Variants in RFPL4AL1 observed in about 807,000 individuals in gnomAD.
The protein encoded by RFPL4AL1 is ret finger protein-like 4A-like protein 1.
A neutral mutation model predicts 8.2 loss-of-function variants in RFPL4AL1; 2 were observed. The observed-to-expected ratio is 0.24, with a 90% CI of 0.10 to 0.77. The LOEUF (loss-of-function observed/expected upper bound fraction) is 0.77. Ranked by LOEUF, RFPL4AL1 falls within the 30% of genes least tolerant of loss-of-function variation. RFPL4AL1 has a pLI of 0.72. For missense variants in RFPL4AL1, 57 were observed against 350.3 expected (o/e 0.16, Z 6.68); for synonymous variants, 25 against 131.8 (o/e 0.19, Z 5.55).
chr19:55,770,377 G>A (rs1159283044), intron 1 of RFPL4AL1, among the ~76,000 whole-genome samples: 2 of 152,078 alleles, frequency 1.3e-5, no homozygotes, highest in South Asian at 4.2e-4. Context: ...GAGCCAGAAT[G>A]AAGTGAAAGG....
intron 1 of RFPL4AL1, among the ~76,000 whole-genome samples, chr19:55,771,086 G>GTTTTTTTTTTTTTTTTTTTTT (rs74183507): frequency 7.7e-6 from 1 of 130,380 alleles, no homozygotes. Context: ...TCTGTTTTTT[G>GTTTTTTTTTTTTTTTTTTTTT]TTTTTTTTTT....
chr19:55,772,432 A>T (rs1335897007), intron 2 of RFPL4AL1, among the ~76,000 whole-genome samples, 170 bp from the exon 3 acceptor site: 1 of 129,970 alleles, frequency 7.7e-6, no homozygotes, highest in Non-Finnish European at 1.7e-5. Context: ...ACCTATAGAT[A>T]CAATTTAACC....
chr19:55,772,126 AG>A (rs1225157208), intron 2 of RFPL4AL1, 36 bp downstream of exon 2: 1 of 1,480,840 alleles, frequency 6.8e-7, no homozygotes, highest in East Asian at 2.5e-5. Context: ...AACCCATAAA[AG>A]GCACTGGGAA....
intron 1 of RFPL4AL1, among the ~76,000 whole-genome samples, chr19:55,769,535 C>G (rs1989450411): frequency 6.6e-6 from 1 of 150,626 alleles, no homozygotes; most frequent in Admixed American, 6.6e-5. Context: ...TCATTCTTCT[C>G]TTATTTTCTG....
chr19:55,770,312 C>G (rs1310975152), intron 1 of RFPL4AL1, among the ~76,000 whole-genome samples: 3 of 151,936 alleles, frequency 2.0e-5, no homozygotes, highest in Admixed American at 1.3e-4. Context: ...AGAGAGAACC[C>G]AGTCCCAGCC....
At chr19:55,770,240 A>C (rs1360761067) in intron 1 of RFPL4AL1, among the ~76,000 whole-genome samples, 1 of 151,930 alleles carries the variant, frequency 6.6e-6, no homozygotes, top group Non-Finnish European at 1.5e-5. Flanking sequence ...ATCCTAGCAG[A>C]GAGGGGGTAA....
intron 1 of RFPL4AL1, among the ~76,000 whole-genome samples, chr19:55,771,404 A>G (rs577554957): frequency 3.3e-5 from 5 of 152,284 alleles, no homozygotes; most frequent in South Asian, 2.1e-4. Context: ...GATAGTTTAC[A>G]TTCTCTTTTC....
intron 1 of RFPL4AL1, 54 bp downstream of exon 1, chr19:55,769,229 G>A (rs1315386980): frequency 6.6e-6 from 1 of 151,752 alleles, no homozygotes; most frequent in Non-Finnish European, 1.5e-5. Context: ...AGAATCTAGG[G>A]GAATGCAATA....
At chr19:55,770,079 C>G (rs1227513695) in intron 1 of RFPL4AL1, among the ~76,000 whole-genome samples, 1 of 151,944 alleles carries the variant, frequency 6.6e-6, no homozygotes, top group Non-Finnish European at 1.5e-5. Flanking sequence ...GTTGCTGGAA[C>G]ACAGGCAGTT....
At chr19:55,769,400 C>G (rs61348958) in intron 1 of RFPL4AL1, among the ~76,000 whole-genome samples, 72 of 151,032 alleles carry the variant, frequency 4.8e-4, no homozygotes, top group East Asian at 7.7e-4. Context: ...TGAATTTCAT[C>G]AGAATTTGGT....
In RFPL4AL1 at chr19:55,769,132, C is replaced by G. The variant is rs376971517; in HGVS notation, c.-53C>G. On this transcript the variant is annotated 5_prime_UTR_variant, in exon 1 of 3. Transcript: ENST00000341750. ...GCTCTCACTCCAGATCTGAGCTGTCCGCAGAAGCAGCTGGAGGCCAGGGGA... is the reference window on the plus strand; with the variant it reads ...GCTCTCACTCCAGATCTGAGCTGTCGGCAGAAGCAGCTGGAGGCCAGGGGA... 2 of 153,828 alleles carry G rather than the reference C, an allele frequency of 1.3e-5. No individual in the cohort carries two copies. The highest frequency in any genetic ancestry group is 2.9e-5 in the Non-Finnish European group (2 of 68,022). 9.5% of individuals were successfully genotyped at this position (153,828 alleles called of 1,614,324 possible).
chr19:55,770,420 TGTTAGGA>T (rs1412692216), intron 1 of RFPL4AL1, among the ~76,000 whole-genome samples: 1 of 151,862 alleles, frequency 6.6e-6, no homozygotes, highest in Non-Finnish European at 1.5e-5. Context: ...AAAAGCACAC[TGTTAGGA>T]GAGAAGTGTG....
chr19:55,770,155 C>T (rs1255157381), intron 1 of RFPL4AL1, among the ~76,000 whole-genome samples: 1 of 152,030 alleles, frequency 6.6e-6, no homozygotes, highest in East Asian at 1.9e-4. Context: ...TTTTCTTTCC[C>T]ACCAACCGTG....
rs74183507 is a variant in RFPL4AL1, at chr19:55,771,086, GTTTTT to G, written c.-9-695_-9-691del. On this transcript the variant is annotated intron_variant, in intron 1 of 2. Coordinates refer to ENST00000341750, the MANE Select transcript of RFPL4AL1 (RefSeq NM_001277397.2). The stretch of plus-strand genomic sequence containing the variant: ...TTGGTTTCTTTTAGTTCTGTTTTTT[GTTTTT>G]TTTTTTTTTTTTTTCCGCTATGCAG... 1.5e-4 allele frequency among the ~76,000 whole-genome samples: 19 copies of G among 130,386 alleles called. 2 individuals are homozygous for G. The highest frequency in any genetic ancestry group is 1.8e-4 in the African/African-American group (6 of 32,662). 85.5% of individuals were successfully genotyped at this position (130,386 alleles called of 152,430 possible).
At chr19:55,771,086 G>GGTTTTTTTTTTTTTTTTTTTTTT (rs1555799526) in intron 1 of RFPL4AL1, among the ~76,000 whole-genome samples, 1 of 130,380 alleles carries the variant, frequency 7.7e-6, no homozygotes. Flanking sequence ...TCTGTTTTTT[G>GGTTTTTTTTTTTTTTTTTTTTTT]TTTTTTTTTT....
intron 1 of RFPL4AL1, among the ~76,000 whole-genome samples, chr19:55,770,814 G>A (rs916354877): frequency 4.6e-5 from 7 of 151,928 alleles, no homozygotes; most frequent in African/African-American, 7.3e-5. Flanking sequence ...ATACGTTCTC[G>A]ATTCTCTTGC....
intron 1 of RFPL4AL1, among the ~76,000 whole-genome samples, chr19:55,771,079 G>GTTTTTTTTTTTTTTTTTTTTT (rs1243816491): frequency 5.6e-5 from 5 of 89,512 alleles, no homozygotes; most frequent in Non-Finnish European, 5.0e-5. Context: ...TTTTAGTTCT[G>GTTTTTTTTTTTTTTTTTTTTT]TTTTTTGTTT....
rs2616958 is a variant in RFPL4AL1, at chr19:55,772,331, A to G, written c.286+241A>G. On this transcript the variant is annotated intron_variant, in intron 2 of 2. Coordinates refer to ENST00000341750, the MANE Select transcript of RFPL4AL1 (RefSeq NM_001277397.2). Reference sequence around the variant, plus strand: ...ATGTATCATATGTGCTAAATGGAAAACTAATTTTCATCAAATTATCCACTA... The same window carrying G: ...ATGTATCATATGTGCTAAATGGAAAGCTAATTTTCATCAAATTATCCACTA... Among the ~76,000 whole-genome samples, 294 of 123,892 alleles carry G rather than the reference A, an allele frequency of 2.4e-3. 27 individuals are homozygous for G. The highest frequency in any genetic ancestry group is 7.1e-3 in the South Asian group (31 of 4,354). 81.3% of individuals were successfully genotyped at this position (123,892 alleles called of 152,430 possible).
rs1428903580 is a variant in RFPL4AL1 at position 55,771,876 on chromosome 19, G to T, written c.72G>T (p.Leu24=). ...AAGATCTTGAAGAAGCCGTGCAACTGAAATGTGGATATGCCTGCTGCCTCC... is the reference window on the plus strand; with the variant it reads ...AAGATCTTGAAGAAGCCGTGCAACTTAAATGTGGATATGCCTGCTGCCTCC... ...CLKDLEEAVQ[L]KCGYACCLQC... The change falls in exon 2 of 3, where the codon CTG becomes CTT. Residue 24 remains leucine (L), a synonymous_variant. Transcript: ENST00000341750. 1.3e-6 allele frequency: 2 copies of T among 1,548,354 alleles called. No individual in the cohort carries two copies.
Sources: gnomAD v4.1 joint callset for allele counts (sites outside exome capture counted in the v4.1 genomes callset) on GRCh38, gnomAD v4.1.1 for gene constraint, MANE v1.5 for transcripts, NCBI Gene and HGNC (gene_info 2026-07-23, HGNC 2026-07-21) for gene names.